Variants in STX17 observed in about 807,000 individuals in gnomAD.
STX17 encodes the protein syntaxin-17.
Under a neutral mutation model 35.9 loss-of-function variants are expected in STX17, and 29 were observed. The ratio of observed to expected loss-of-function variants is 0.81; its 90% CI spans 0.60 to 1.10. The LOEUF (loss-of-function observed/expected upper bound fraction) is 1.10, where lower values mean the gene tolerates loss of function less well. Among genes scored for constraint, STX17 ranks in the 50% least tolerant of loss-of-function variants. The pLI is 0.00. For missense variants in STX17, 312 were observed against 352.3 expected (o/e 0.89, Z 0.92); for synonymous variants, 92 against 118.3 (o/e 0.78, Z 1.44).
chr9:99,937,837 C>T (rs1396986707), intron 3 of STX17: 1 of 152,056 alleles, frequency 6.6e-6, no homozygotes. Context: ...ATGTTTTATA[C>T]ATCTTATGTT....
intron 1 of STX17, 37 bp downstream of exon 1, chr9:99,906,743 G>A (rs1297100720): frequency 6.6e-6 from 1 of 152,182 alleles, no homozygotes; most frequent in Non-Finnish European, 1.5e-5. Context: ...TGGGGGCGTC[G>A]GGCCCTCACA....
intron 1 of STX17, among the ~76,000 whole-genome samples, chr9:99,911,976 C>T (rs1033553312): frequency 8.5e-5 from 13 of 152,192 alleles, no homozygotes; most frequent in South Asian, 2.1e-4. Flanking sequence ...CCTGTAATCC[C>T]GGCACTTTGG....
At position 99,915,260 on chromosome 9, in the gene STX17, A is replaced by C; in HGVS notation, c.21A>C (p.Lys7Asn). Residue 7 changes from lysine (K) to asparagine (N), a missense_variant, in exon 2 of 8, where the codon AAA becomes AAC. By Grantham distance (94) the Lys-to-Asn change is moderately conservative. Coordinates refer to ENST00000259400, the MANE Select transcript of STX17 (RefSeq NM_017919.3). The stretch of plus-strand genomic sequence containing the variant: ...TTAGGATGTCTGAAGATGAAGAAAA[A>C]GTGAAATTACGCCGTCTTGAACCAG... The part of the protein sequence containing the change: MSEDEE[K>N]VKLRRLEPAI... The C allele has an allele frequency of 3.1e-6, 5 of 1,611,392 alleles. No individual in the cohort carries two copies. The highest frequency in any genetic ancestry group is 4.2e-6 in the Non-Finnish European group (5 of 1,178,732).
chr9:99,962,872 A>G (rs572745553), intron 6 of STX17, among the ~76,000 whole-genome samples: 25 of 152,346 alleles, frequency 1.6e-4, no homozygotes, highest in African/African-American at 4.6e-4. Context: ...CAGAAGCTCT[A>G]TTTAGGCACA....
rs1195344264 is a variant in STX17, at chr9:99,971,287, A to C, written c.*2614A>C. On this transcript the variant is annotated 3_prime_UTR_variant, in exon 8 of 8. Transcript: ENST00000259400. ...TTGGATAAAGGCAGCAATCCTAAGG[A>C]CTTTTTTTTTTTTTTTAACATAATC... 1.2e-5 allele frequency among the ~76,000 whole-genome samples: 1 copy of C among 84,306 alleles called. No individual in the cohort carries two copies. Among genetic ancestry groups the C allele is most frequent in the East Asian group, 3.6e-4 (1 of 2,740 alleles). 55.3% of individuals were successfully genotyped at this position (84,306 alleles called of 152,430 possible). A position where few individuals can be genotyped will look rare whatever the true frequency, so the allele number is the denominator to read the frequency against.
chr9:99,954,043 T>C (rs1829659873), intron 4 of STX17: 1 of 151,988 alleles, frequency 6.6e-6, no homozygotes, highest in African/African-American at 2.4e-5. Flanking sequence ...TGAAGAAGTA[T>C]GTGCATAAAG....
intron 2 of STX17, among the ~76,000 whole-genome samples, chr9:99,927,585 C>T (rs1041518496): frequency 2.6e-5 from 4 of 152,180 alleles, no homozygotes; most frequent in African/African-American, 7.2e-5. Flanking sequence ...AAGCGATCTC[C>T]TGCCTCTGCC....
chr9:99,950,420 A>G (rs549863493), intron 3 of STX17, among the ~76,000 whole-genome samples: 2 of 152,042 alleles, frequency 1.3e-5, no homozygotes, highest in South Asian at 4.1e-4. Flanking sequence ...AGTGTATACT[A>G]TAATGTTAAT....
At chr9:99,919,921 A>T (rs181794830) in intron 2 of STX17, among the ~76,000 whole-genome samples, 7 of 152,368 alleles carry the variant, frequency 4.6e-5, no homozygotes, top group Admixed American at 6.5e-5. Context: ...AATCTGAACT[A>T]TATAGTATAA....
At chr9:99,909,473 A>G (rs1286558712) in intron 1 of STX17, among the ~76,000 whole-genome samples, 1 of 152,248 alleles carries the variant, frequency 6.6e-6, no homozygotes, top group Non-Finnish European at 1.5e-5. Context: ...TGGTAGATAT[A>G]AAGATAATCT....
intron 3 of STX17, among the ~76,000 whole-genome samples, chr9:99,935,373 G>A (rs2118403855): frequency 6.6e-6 from 1 of 150,702 alleles, no homozygotes. Context: ...ATAGTTTACA[G>A]TTTACTATCT....
In STX17 at chr9:99,959,122, G is replaced by A. The variant is rs138594138; in HGVS notation, c.416-795G>A. Among the ~76,000 whole-genome samples, 933 of 152,278 alleles carry A rather than the reference G, an allele frequency of 6.1e-3. 8 individuals are homozygous for A. The highest frequency in any genetic ancestry group is 0.01 in the Non-Finnish European group (696 of 68,020). On this transcript the variant is annotated intron_variant, in intron 4 of 7. Coordinates refer to ENST00000259400, the MANE Select transcript of STX17 (RefSeq NM_017919.3). ...ATATTAAACCTATTTATATAGGTAC[G>A]TCTCCTTGGAACATTGGCCAAGTAG...
intron 3 of STX17, among the ~76,000 whole-genome samples, chr9:99,945,044 C>T (rs1480292482): frequency 2.0e-5 from 3 of 152,054 alleles, no homozygotes; most frequent in Non-Finnish European, 2.9e-5. Context: ...TAATTGTTCT[C>T]CATGTGTATT....
chr9:99,918,155 A>G (rs1828814237), intron 2 of STX17, among the ~76,000 whole-genome samples: 1 of 152,188 alleles, frequency 6.6e-6, no homozygotes, highest in East Asian at 1.9e-4. Flanking sequence ...ATAGAGACAG[A>G]GTCTCACTCT....
intron 4 of STX17, among the ~76,000 whole-genome samples, chr9:99,952,189 A>C (rs946274945): frequency 3.9e-5 from 6 of 152,150 alleles, no homozygotes; most frequent in African/African-American, 1.2e-4. Context: ...TTAGAGTAGA[A>C]TCTTAGAGAT....
rs981926930 is a variant in STX17, at chr9:99,974,000, A to G, written c.*5327A>G. Among the ~76,000 whole-genome samples, 1 of 152,178 alleles carries G rather than the reference A, an allele frequency of 6.6e-6. No homozygotes were observed. Among genetic ancestry groups the G allele is most frequent in the African/African-American group, 2.4e-5 (1 of 41,442 alleles). ...TTTTCTGGTCTAAAATAATTTCTAT[A>G]TTACTTTATAATAGTCAGCTGGGGG... On this transcript the variant is annotated 3_prime_UTR_variant, in exon 8 of 8. Coordinates refer to ENST00000259400, the MANE Select transcript of STX17 (RefSeq NM_017919.3).
Position 99,962,937 on chromosome 9 carries a change from G to A in STX17, c.582+2782G>A, listed in dbSNP as rs117916263. Among the ~76,000 whole-genome samples, 420 of 152,198 alleles carry A rather than the reference G, an allele frequency of 2.8e-3. 1 individual carries two copies. Among genetic ancestry groups the A allele is most frequent in the Middle Eastern group, 6.8e-3 (2 of 294 alleles). On this transcript the variant is annotated intron_variant, in intron 6 of 7. Transcript: ENST00000259400. ...CACATCCTCTCATTATCATCACATGGACATGATAGTGTCTAGACAAATTAA... is the reference window on the plus strand; with the variant it reads ...CACATCCTCTCATTATCATCACATGAACATGATAGTGTCTAGACAAATTAA...
rs962614086 is a variant in STX17, at chr9:99,969,608, A to G, written c.*935A>G. On this transcript the variant is annotated 3_prime_UTR_variant, in exon 8 of 8. Transcript: ENST00000259400. Reference sequence around the variant, plus strand: ...TGTTAGAGTTTGGGCTAAAATGAGCAAGGAGAAAAAAACCACCAAGAACAT... The same window carrying G: ...TGTTAGAGTTTGGGCTAAAATGAGCGAGGAGAAAAAAACCACCAAGAACAT... 6.6e-6 allele frequency: 1 copy of G among 152,546 alleles called. No individual in the cohort carries two copies. Among genetic ancestry groups the G allele is most frequent in the Non-Finnish European group, 1.5e-5 (1 of 68,030 alleles). The allele number at this position is 152,546 out of a possible 1,614,324, so 9.4% of individuals were successfully genotyped here. A position where few individuals can be genotyped will look rare whatever the true frequency, so the allele number is the denominator to read the frequency against.
intron 2 of STX17, among the ~76,000 whole-genome samples, chr9:99,917,629 A>G (rs1828801176): frequency 6.6e-6 from 1 of 152,210 alleles, no homozygotes; most frequent in African/African-American, 2.4e-5. Flanking sequence ...TCATTTTATT[A>G]TACATGATAA....
Sources: allele counts gnomAD v4.1 joint callset (sites outside exome capture counted in the v4.1 genomes callset), GRCh38; gene constraint gnomAD v4.1.1; transcripts MANE v1.5; gene names NCBI Gene and HGNC (gene_info 2026-07-23, HGNC 2026-07-21).